Variants in RAP1GAP2 observed in about 807,000 individuals in gnomAD.
RAP1GAP2 encodes the protein RAP1 GTPase activating protein 2.
RAP1GAP2 carries 27 observed loss-of-function variants against 95.0 expected under a neutral mutation model. The observed-to-expected ratio is 0.28, with a 90% confidence interval of 0.21 to 0.39. The LOEUF is 0.39. Ranked by LOEUF, RAP1GAP2 falls within the 10% of genes least tolerant of loss-of-function variation. The pLI is 1.00. For missense variants in RAP1GAP2, 771 were observed against 970.0 expected, an observed-to-expected ratio of 0.79 and a Z score of 2.72; for synonymous variants, 373 against 380.9, an observed-to-expected ratio of 0.98 and a Z score of 0.24.
At chr17:2,914,113 TC>T (rs1473871721) in intron 3 of RAP1GAP2, among the ~76,000 whole-genome samples, 1 of 152,028 alleles carries the variant, frequency 6.6e-6, no homozygotes, top group Non-Finnish European at 1.5e-5. Flanking sequence ...CCTCAAGTGA[TC>T]CGCCTTCCTC....
intron 2 of RAP1GAP2, among the ~76,000 whole-genome samples, chr17:2,897,404 C>T (rs1567754829): frequency 6.6e-6 from 1 of 151,430 alleles, no homozygotes; most frequent in Non-Finnish European, 1.5e-5. Context: ...TGACACGTTC[C>T]TCCTGGAGAC....
intron 17 of RAP1GAP2, among the ~76,000 whole-genome samples, chr17:3,017,148 G>A (rs1184233413): frequency 1.3e-5 from 2 of 152,096 alleles, no homozygotes; most frequent in Admixed American, 1.3e-4. Flanking sequence ...CACTCTGAGG[G>A]GTGGTTGTGC....
At chr17:2,874,544 A>G (rs968282579) in intron 2 of RAP1GAP2, among the ~76,000 whole-genome samples, 3 of 152,162 alleles carry the variant, frequency 2.0e-5, no homozygotes, top group Non-Finnish European at 4.4e-5. Context: ...GTGCATAAGA[A>G]TGACGTGGAG....
chr17:2,950,813 G>A (rs1425990932), intron 3 of RAP1GAP2, among the ~76,000 whole-genome samples: 3 of 152,016 alleles, frequency 2.0e-5, no homozygotes, highest in African/African-American at 7.2e-5. Flanking sequence ...GTTTCATCAT[G>A]TTGGCCAGGC....
At chr17:3,011,953 G>A (rs2046562489) in intron 17 of RAP1GAP2, among the ~76,000 whole-genome samples, 1 of 152,118 alleles carries the variant, frequency 6.6e-6, no homozygotes, top group Admixed American at 6.5e-5. Context: ...GCTGATGGGA[G>A]CATAACTGAG....
At chr17:2,861,880 T>C (rs2072410001) in intron 2 of RAP1GAP2, among the ~76,000 whole-genome samples, 1 of 152,136 alleles carries the variant, frequency 6.6e-6, no homozygotes, top group Non-Finnish European at 1.5e-5. Flanking sequence ...GCTCTCGAAC[T>C]CCTGACCCCA....
intron 17 of RAP1GAP2, among the ~76,000 whole-genome samples, chr17:3,009,523 G>A (rs898362768): frequency 3.3e-5 from 5 of 152,194 alleles, no homozygotes; most frequent in African/African-American, 9.7e-5. Flanking sequence ...TTCCAAATCC[G>A]ACACCACCTC....
At position 2,769,814 on chromosome 17, in the gene RAP1GAP2, T is replaced by C. The variant is rs11658932; in HGVS notation, c.51-515T>C. On this transcript the variant is annotated intron_variant, in intron 1 of 25. Transcript: ENST00000637138. ...ACTGCCAGGTGCAGTGGTTCACACC[T>C]GTAATCCCAGGACTTTGGGAGGCCA... Among the ~76,000 whole-genome samples the C allele has an allele frequency of 3.9e-3, 587 of 152,182 alleles. 1 individual carries two copies. Among genetic ancestry groups the C allele is most frequent in the Non-Finnish European group, 6.1e-3 (413 of 68,010 alleles).
At chr17:2,831,755 T>C (rs1022989569) in intron 2 of RAP1GAP2, among the ~76,000 whole-genome samples, 2 of 151,820 alleles carry the variant, frequency 1.3e-5, no homozygotes, top group East Asian at 3.9e-4. Flanking sequence ...AAAAATTAGA[T>C]GTGGTGGTGC....
chr17:3,026,213 C>T, intron 20 of RAP1GAP2, 92 bp downstream of exon 20: 2 of 1,313,808 alleles, frequency 1.5e-6, no homozygotes, highest in Non-Finnish European at 1.1e-6. Flanking sequence ...GTGGCCATCT[C>T]CTGCCTCTGG....
At chr17:2,838,281 G>A (rs1567696592) in intron 2 of RAP1GAP2, among the ~76,000 whole-genome samples, 1 of 152,108 alleles carries the variant, frequency 6.6e-6, no homozygotes, top group Admixed American at 6.6e-5. Flanking sequence ...GCCTCCCAAA[G>A]TGCTGGGATT....
At chr17:2,935,389 C>G (rs190025202) in intron 3 of RAP1GAP2, among the ~76,000 whole-genome samples, 2 of 152,106 alleles carry the variant, frequency 1.3e-5, no homozygotes, top group South Asian at 2.1e-4. Flanking sequence ...TGCCTGTAAT[C>G]GCAGCTACTT....
chr17:2,931,280 T>TTTTGTGTGTGTGTGTGTGTG (rs1491294566), intron 3 of RAP1GAP2, among the ~76,000 whole-genome samples: 1 of 146,666 alleles, frequency 6.8e-6, no homozygotes, highest in African/African-American at 2.6e-5. Context: ...TGAGTGTTTC[T>TTTTGTGTGTGTGTGTGTGTG]TGTGTGTGTG....
In RAP1GAP2 at chr17:2,918,874, T is replaced by C. The variant is rs186551670; in HGVS notation, c.165+13506T>C. Among the ~76,000 whole-genome samples, 31 of 152,326 alleles carry C rather than the reference T, an allele frequency of 2.0e-4. No individual in the cohort carries two copies. The East Asian group carries it at 6.0e-3, about 29-fold the overall frequency. On this transcript the variant is annotated intron_variant, in intron 3 of 24. Transcript: ENST00000254695. The stretch of plus-strand genomic sequence containing the variant: ...GTAGTGAAGATTAATTGAGATAATA[T>C]GCCTTTATTGCTTAAAACAGAGGTA...
Position 2,881,815 on chromosome 17 carries a change from G to A in RAP1GAP2, c.81-23469G>A, listed in dbSNP as rs531962816. Among the ~76,000 whole-genome samples, 3 of 152,092 alleles carry A rather than the reference G, an allele frequency of 2.0e-5. No homozygotes were observed. In the South Asian group the frequency reaches 6.2e-4, roughly 32 times the overall value. The stretch of plus-strand genomic sequence containing the variant: ...ATGGCCATCCTAGTGGGTGTGATCT[G>A]CTTTTTTTTATTTGTTTGTTTTTGA... On this transcript the variant is annotated intron_variant, in intron 2 of 24. Coordinates refer to ENST00000254695, the MANE Select transcript of RAP1GAP2 (RefSeq NM_015085.5).
intron 1 of RAP1GAP2, among the ~76,000 whole-genome samples, chr17:2,762,057 T>C (rs562164484): frequency 8.1e-4 from 119 of 146,118 alleles, no homozygotes; most frequent in Non-Finnish European, 1.5e-3. Context: ...GGTGCAATCT[T>C]GGCTTACTGC....
exon 1 of RAP1GAP2, chr17:2,777,275 A>G (rs1259589458): frequency 6.6e-6 from 1 of 152,670 alleles, no homozygotes; most frequent in East Asian, 1.9e-4. Flanking sequence ...GATGGAGGTC[A>G]GAGGTAGGGT....
chr17:2,841,370 C>T (rs1182712199), intron 2 of RAP1GAP2, among the ~76,000 whole-genome samples: 2 of 136,818 alleles, frequency 1.5e-5, no homozygotes, highest in African/African-American at 2.8e-5. Flanking sequence ...GTGGCACGAA[C>T]TCGGCTCACT....
rs373229454 is a variant in RAP1GAP2, at chr17:2,932,932, C to T, written c.166-24827C>T. On this transcript the variant is annotated intron_variant, in intron 3 of 24. Transcript: ENST00000254695. Reference sequence around the variant, plus strand: ...GGCAAACCCAGAAGCTTCTTCAGCCCCTTTCCTCCTCCAGGCACAGGTCGA... The same window carrying T: ...GGCAAACCCAGAAGCTTCTTCAGCCTCTTTCCTCCTCCAGGCACAGGTCGA... Among the ~76,000 whole-genome samples the T allele has an allele frequency of 6.6e-5, 10 of 152,128 alleles. 1 individual carries two copies. Among genetic ancestry groups the T allele is most frequent in the East Asian group, 1.9e-4 (1 of 5,172 alleles).
Sources: allele counts gnomAD v4.1 joint callset (sites outside exome capture counted in the v4.1 genomes callset), GRCh38; gene constraint gnomAD v4.1.1; transcripts MANE v1.5; gene names NCBI Gene and HGNC (gene_info 2026-07-23, HGNC 2026-07-21).